The following ERBB4 variants were observed in gnomAD, a reference collection of about 807,000 sequenced individuals.
The protein encoded by ERBB4 is erb-b2 receptor tyrosine kinase 4.
Under a neutral mutation model 158.0 loss-of-function variants are expected in ERBB4, and 42 were observed. The ratio of observed to expected loss-of-function variants is 0.27; its 90% CI spans 0.21 to 0.34. The LOEUF (loss-of-function observed/expected upper bound fraction) is 0.34, where lower values mean the gene tolerates loss of function less well. Among genes scored for constraint, ERBB4 ranks in the 10% least tolerant of loss-of-function variants. The pLI, the probability that ERBB4 is intolerant of heterozygous loss-of-function variation, is 1.00. For missense variants in ERBB4, 1,333 were observed against 1,624.1 expected (o/e 0.82, Z 3.08); for synonymous variants, 583 against 558.7 (o/e 1.04, Z -0.61).
At chr2:212,287,105 C>G (rs1418105331) in intron 1 of ERBB4, among the ~76,000 whole-genome samples, 1 of 151,902 alleles carries the variant, frequency 6.6e-6, no homozygotes, top group Non-Finnish European at 1.5e-5. Context: ...CATGTAGCCC[C>G]CTCCAGAAGA....
intron 19 of ERBB4, among the ~76,000 whole-genome samples, chr2:211,563,478 A>G (rs1236879620): frequency 6.6e-6 from 1 of 152,196 alleles, no homozygotes; most frequent in Non-Finnish European, 1.5e-5. Context: ...ATTAGGAGAA[A>G]CGTAAAAGAA....
rs2063547132 is a variant in ERBB4, at chr2:211,423,086, T to A, written c.2867-982A>T. Among the ~76,000 whole-genome samples the A allele has an allele frequency of 2.0e-5, 3 of 152,064 alleles. No homozygotes were observed. The South Asian group carries it at 6.2e-4, about 32-fold the overall frequency. ...TCAAATGCTCTGTATTCTATATGCA[T>A]TCATTTGAAAAAATGCTTGCTAATG... On this transcript the variant is annotated intron_variant, in intron 23 of 27. Transcript: ENST00000342788.
intron 1 of ERBB4, among the ~76,000 whole-genome samples, chr2:212,169,469 C>G (rs944635481): frequency 6.6e-6 from 1 of 151,998 alleles, no homozygotes; most frequent in Non-Finnish European, 1.5e-5. Context: ...TGCAGAAAAT[C>G]GAAACTGGAT....
At chr2:211,482,772 G>T (rs1163914102) in intron 20 of ERBB4, among the ~76,000 whole-genome samples, 1 of 152,106 alleles carries the variant, frequency 6.6e-6, no homozygotes, top group African/African-American at 2.4e-5. Flanking sequence ...GGGCGTGGTG[G>T]CACATGTCTG....
At chr2:212,046,583 T>A (rs2077266851) in intron 2 of ERBB4, among the ~76,000 whole-genome samples, 1 of 152,352 alleles carries the variant, frequency 6.6e-6, no homozygotes, top group Non-Finnish European at 1.5e-5. Flanking sequence ...TTCGTATTCA[T>A]CAATTAATAG....
chr2:211,688,023 C>A (rs2072638321), intron 12 of ERBB4, among the ~76,000 whole-genome samples: 1 of 152,160 alleles, frequency 6.6e-6, no homozygotes, highest in Non-Finnish European at 1.5e-5. Flanking sequence ...GCTTTTATTT[C>A]TTCATTCCTT....
Position 211,723,315 on chromosome 2 carries a change from T to C in ERBB4, c.742-781A>G, listed in dbSNP as rs10211199. On this transcript the variant is annotated intron_variant, in intron 6 of 27. Transcript: ENST00000342788. ...GTACTTGATATAAAAACAGAATATA[T>C]GTGTAAGTACATATAAACATGTGAT... Among the ~76,000 whole-genome samples the C allele has an allele frequency of 3.0e-3, 458 of 152,268 alleles. 3 individuals carry two copies. Among genetic ancestry groups the C allele is most frequent in the African/African-American group, 0.011 (439 of 41,568 alleles).
rs150309987 is a variant in ERBB4 at position 211,942,094 on chromosome 2, T to C, written c.421+5336A>G. 9.7e-4 allele frequency among the ~76,000 whole-genome samples: 148 copies of C among 152,244 alleles called. 4 individuals are homozygous for C. Among genetic ancestry groups the C allele is most frequent in the East Asian group, 9.1e-3 (47 of 5,178 alleles). On this transcript the variant is annotated intron_variant, in intron 3 of 27. Transcript: ENST00000342788. ...ATTTCATATCACTCTATGACATATA[T>C]TGAGTCAATGACAGGTGACTTGTCC...
intron 3 of ERBB4, among the ~76,000 whole-genome samples, chr2:211,938,046 A>C (rs1185408672): frequency 6.6e-6 from 1 of 152,160 alleles, no homozygotes; most frequent in Non-Finnish European, 1.5e-5. Flanking sequence ...AATATGGTTA[A>C]GGCCCAAATC....
At chr2:212,423,657 T>C (rs532323059) in intron 1 of ERBB4, among the ~76,000 whole-genome samples, 1 of 152,292 alleles carries the variant, frequency 6.6e-6, no homozygotes, top group African/African-American at 2.4e-5. Context: ...ATAATCAAAA[T>C]AAAAATAATT....
chr2:212,081,730 T>G (rs780122885), intron 2 of ERBB4, among the ~76,000 whole-genome samples: 2 of 152,152 alleles, frequency 1.3e-5, no homozygotes, highest in Non-Finnish European at 2.9e-5. Context: ...CTGTAGCTGA[T>G]TCCATAAACA....
intron 1 of ERBB4, among the ~76,000 whole-genome samples, chr2:212,162,275 A>G (rs1176888607): frequency 1.3e-5 from 2 of 151,894 alleles, no homozygotes; most frequent in African/African-American, 4.8e-5. Flanking sequence ...GCACCAACAT[A>G]GATAAACCTT....
intron 2 of ERBB4, among the ~76,000 whole-genome samples, chr2:211,973,978 G>C (rs1470587729): frequency 3.9e-5 from 6 of 152,084 alleles, no homozygotes; most frequent in African/African-American, 1.4e-4. Context: ...ACTAACACAA[G>C]AACAGAAAAC....
intron 1 of ERBB4, among the ~76,000 whole-genome samples, chr2:212,222,199 G>C (rs1441086329): frequency 1.3e-5 from 2 of 151,318 alleles, no homozygotes; most frequent in African/African-American, 4.8e-5. Context: ...ATAACTTTCT[G>C]TTGCTATTAA....
intron 20 of ERBB4, among the ~76,000 whole-genome samples, chr2:211,436,229 A>ACAAAAAG (rs1369509570): frequency 4.5e-4 from 68 of 152,316 alleles, no homozygotes; most frequent in African/African-American, 1.3e-3. Context: ...GACATTTTTT[A>ACAAAAAG]ATTTATATTT....
intron 1 of ERBB4, among the ~76,000 whole-genome samples, chr2:212,412,754 C>T (rs2091533868): frequency 6.6e-6 from 1 of 152,086 alleles, no homozygotes; most frequent in Admixed American, 6.6e-5. Flanking sequence ...TTCTAAATTA[C>T]TCAATTATAT....
intron 1 of ERBB4, among the ~76,000 whole-genome samples, chr2:212,474,852 G>A (rs1020844876): frequency 4.9e-5 from 3 of 61,676 alleles, no homozygotes; most frequent in African/African-American, 4.3e-4. Flanking sequence ...TCAAGACAAG[G>A]TCTTGCTCTA....
chr2:211,925,376 CTTTTT>C (rs71054150), intron 3 of ERBB4, among the ~76,000 whole-genome samples: 134 of 81,568 alleles, frequency 1.6e-3, no homozygotes, highest in African/African-American at 6.2e-3. Flanking sequence ...AACAAGACTG[CTTTTT>C]TTTTTTTTTT....
chr2:212,299,468 T>C (rs10932432), intron 1 of ERBB4, among the ~76,000 whole-genome samples: 84,507 of 151,478 alleles, frequency 0.56, 27,525 homozygotes, highest in East Asian at 0.84. Context: ...TAAAAAGGCA[T>C]ACATTCTCAT....
Sources: gnomAD v4.1 joint callset for allele counts (sites outside exome capture counted in the v4.1 genomes callset) on GRCh38, gnomAD v4.1.1 for gene constraint, MANE v1.5 for transcripts, NCBI Gene and HGNC (gene_info 2026-07-23, HGNC 2026-07-21) for gene names.